The following LRRC4C variants were observed in gnomAD, a reference collection of about 807,000 sequenced individuals.
LRRC4C encodes the protein leucine-rich repeat-containing protein 4C.
In LRRC4C, 5 loss-of-function variants were observed where a neutral mutation model predicts 33.6. The observed-to-expected ratio is 0.15, with a 90% CI of 0.08 to 0.31. The LOEUF (loss-of-function observed/expected upper bound fraction) is 0.31, where lower values mean the gene tolerates loss of function less well. Ranked by LOEUF, LRRC4C falls within the 10% of genes least tolerant of loss-of-function variation. LRRC4C has a pLI of 1.00. For synonymous variants in LRRC4C, 329 were observed against 302.0 expected, an observed-to-expected ratio of 1.09 and a Z score of -0.93; for missense variants, 560 against 796.7, an observed-to-expected ratio of 0.70 and a Z score of 3.58.
At chr11:41,088,394 T>C (rs1940160176) in intron 1 of LRRC4C, among the ~76,000 whole-genome samples, 1 of 152,132 alleles carries the variant, frequency 6.6e-6, no homozygotes, top group African/African-American at 2.4e-5. Flanking sequence ...TCTAATGACA[T>C]GCTGTGGCAA....
At chr11:40,328,469 C>G (rs1294575525) in intron 3 of LRRC4C, among the ~76,000 whole-genome samples, 1 of 152,030 alleles carries the variant, frequency 6.6e-6, no homozygotes, top group African/African-American at 2.4e-5. Context: ...TCATATTTGC[C>G]TTTAGCTGTT....
At chr11:41,102,726 G>T (rs1303722773) in intron 1 of LRRC4C, among the ~76,000 whole-genome samples, 2 of 152,038 alleles carry the variant, frequency 1.3e-5, no homozygotes, top group Non-Finnish European at 2.9e-5. Flanking sequence ...AAAGGGCAGA[G>T]GAAGTGCGCT....
chr11:40,492,628 TTA>T (rs1954218151), intron 3 of LRRC4C, among the ~76,000 whole-genome samples: 1 of 152,140 alleles, frequency 6.6e-6, no homozygotes, highest in African/African-American at 2.4e-5. Flanking sequence ...CAGGCTGACA[TTA>T]TCTTTTCTTT....
At chr11:40,934,262 CAATCAAAACTAATCTCTACCTCATCCGT>C (rs1473991846) in intron 1 of LRRC4C, among the ~76,000 whole-genome samples, 4 of 152,036 alleles carry the variant, frequency 2.6e-5, no homozygotes, top group African/African-American at 7.2e-5. Flanking sequence ...CTGAAGTAGC[CAATCAAAACTAATCTCTACCTCATCCGT>C]AATCCCACAG....
intron 1 of LRRC4C, among the ~76,000 whole-genome samples, chr11:40,990,864 G>T (rs893032987): frequency 6.6e-6 from 1 of 151,950 alleles, no homozygotes; most frequent in African/African-American, 2.4e-5. Flanking sequence ...TATTCTGTGT[G>T]ATGAAATGTA....
intron 3 of LRRC4C, among the ~76,000 whole-genome samples, chr11:40,427,937 A>G (rs1185876745): frequency 6.6e-6 from 1 of 152,208 alleles, no homozygotes; most frequent in African/African-American, 2.4e-5. Flanking sequence ...TAAAGTCTCT[A>G]TGCTTCTTTC....
chr11:40,370,044 C>A (rs572335399), intron 3 of LRRC4C, among the ~76,000 whole-genome samples: 1 of 152,032 alleles, frequency 6.6e-6, no homozygotes, highest in African/African-American at 2.4e-5. Flanking sequence ...CTTTTTAGGT[C>A]CAAAGAATAC....
chr11:40,186,698 T>C (rs953192940), intron 5 of LRRC4C, among the ~76,000 whole-genome samples: 2 of 152,102 alleles, frequency 1.3e-5, no homozygotes, highest in Non-Finnish European at 2.9e-5. Flanking sequence ...TCAGCATAAG[T>C]TTACACTAGA....
At chr11:40,271,487 G>A (rs1163969010) in intron 4 of LRRC4C, among the ~76,000 whole-genome samples, 1 of 152,148 alleles carries the variant, frequency 6.6e-6, no homozygotes, top group Non-Finnish European at 1.5e-5. Flanking sequence ...AGCATAAACT[G>A]ATAGTGGTTA....
chr11:40,289,143 C>T (rs1442220830), intron 4 of LRRC4C, among the ~76,000 whole-genome samples: 1 of 152,178 alleles, frequency 6.6e-6, no homozygotes, highest in African/African-American at 2.4e-5. Context: ...CTGGCAACCA[C>T]TGTAAGGTCA....
chr11:40,687,028 T>C (rs948967199), intron 2 of LRRC4C, among the ~76,000 whole-genome samples: 1 of 152,112 alleles, frequency 6.6e-6, no homozygotes, highest in Non-Finnish European at 1.5e-5. Context: ...GGTACCCACA[T>C]TACGGTTTGA....
intron 3 of LRRC4C, among the ~76,000 whole-genome samples, chr11:40,643,233 G>A (rs2136101320): frequency 6.6e-6 from 1 of 152,234 alleles, no homozygotes; most frequent in East Asian, 1.9e-4. Flanking sequence ...AAAGGACAAG[G>A]ATAGAGCAAT....
chr11:40,164,058 T>G (rs1441286711), intron 5 of LRRC4C, among the ~76,000 whole-genome samples: 1 of 152,094 alleles, frequency 6.6e-6, no homozygotes, highest in African/African-American at 2.4e-5. Flanking sequence ...AGCTTCCATG[T>G]GGTTGTGAGA....
intron 1 of LRRC4C, among the ~76,000 whole-genome samples, chr11:41,209,598 TTGCACCAC>T (rs1202175152): frequency 5.3e-5 from 8 of 151,264 alleles, no homozygotes; most frequent in Non-Finnish European, 1.0e-4. Flanking sequence ...TGAGCTGAGA[TTGCACCAC>T]TGCACTCCAG....
intron 1 of LRRC4C, among the ~76,000 whole-genome samples, chr11:41,185,988 A>G (rs1945677976): frequency 1.3e-5 from 2 of 152,118 alleles, no homozygotes; most frequent in African/African-American, 4.8e-5. Flanking sequence ...AGAAAAGAGT[A>G]TAAAACAGAT....
At position 40,633,149 on chromosome 11, in the gene LRRC4C, G is replaced by C. The variant is rs573110699; in HGVS notation, c.-270+14993C>G. ...AGACAAATGAATACTGGATCAGGGA[G>C]GGTCCATAGAACACTATCAAGTTCA... On this transcript the variant is annotated intron_variant, in intron 3 of 6. Coordinates refer to ENST00000528697, the MANE Select transcript of LRRC4C (RefSeq NM_001258419.2). Among the ~76,000 whole-genome samples, 3 of 152,184 alleles carry C rather than the reference G, an allele frequency of 2.0e-5. No individual in the cohort carries two copies. The East Asian group carries it at 5.8e-4, about 29-fold the overall frequency.
chr11:40,523,849 T>C (rs1305003735), intron 3 of LRRC4C, among the ~76,000 whole-genome samples: 3 of 152,166 alleles, frequency 2.0e-5, no homozygotes, highest in African/African-American at 4.8e-5. Context: ...TACACATGTG[T>C]CTTCATTCTG....
chr11:40,685,953 T>C (rs1430055328), intron 2 of LRRC4C, among the ~76,000 whole-genome samples: 3 of 151,708 alleles, frequency 2.0e-5, no homozygotes, highest in Admixed American at 1.3e-4. Context: ...GTAGATAAAC[T>C]TAACAGTCAT....
intron 1 of LRRC4C, among the ~76,000 whole-genome samples, chr11:41,088,016 A>G (rs968898827): frequency 1.3e-5 from 2 of 152,156 alleles, no homozygotes; most frequent in African/African-American, 2.4e-5. Context: ...CAGAATACAC[A>G]TTAGCTGATT....
Sources: allele counts gnomAD v4.1 joint callset (sites outside exome capture counted in the v4.1 genomes callset), GRCh38; gene constraint gnomAD v4.1.1; transcripts MANE v1.5; gene names NCBI Gene and HGNC (gene_info 2026-07-23, HGNC 2026-07-21).